DLG2: variants seen among roughly 807,000 people sequenced by gnomAD.
DLG2 encodes disks large homolog 2.
In DLG2, 45 loss-of-function variants were observed where a neutral mutation model predicts 132.5. The ratio of observed to expected loss-of-function variants is 0.34; its 90% confidence interval spans 0.27 to 0.44. DLG2 has a LOEUF of 0.44. Among genes scored for constraint, DLG2 ranks in the 20% least tolerant of loss-of-function variants. The pLI is 1.00. For missense variants in DLG2, 1,045 were observed against 1,196.9 expected (o/e 0.87, Z 1.87); for synonymous variants, 424 against 419.6 (o/e 1.01, Z -0.13).
chr11:84,321,658 C>T (rs996003517), intron 7 of DLG2, among the ~76,000 whole-genome samples: 4 of 152,164 alleles, frequency 2.6e-5, no homozygotes, highest in Admixed American at 2.0e-4. Context: ...CTGTAGGCTG[C>T]ATCAAGAGGC....
At chr11:85,218,094 G>C (rs924902831) in intron 4 of DLG2, among the ~76,000 whole-genome samples, 4 of 152,104 alleles carry the variant, frequency 2.6e-5, no homozygotes, top group South Asian at 2.1e-4. Flanking sequence ...ACAATTGTAG[G>C]CATATGGCTT....
At chr11:84,166,986 G>A in intron 8 of DLG2, 1 of 533,240 alleles carries the variant, frequency 1.9e-6, no homozygotes. Flanking sequence ...CTGATAGTTT[G>A]GGGCCCGGAG....
chr11:83,818,918 T>A (rs1326710844), intron 17 of DLG2, among the ~76,000 whole-genome samples: 4 of 152,150 alleles, frequency 2.6e-5, no homozygotes, highest in Non-Finnish European at 5.9e-5. Flanking sequence ...ATACCTGACG[T>A]TCATTTTTAA....
At chr11:84,625,052 G>A (rs1243612557) in intron 6 of DLG2, among the ~76,000 whole-genome samples, 1 of 149,936 alleles carries the variant, frequency 6.7e-6, no homozygotes, top group African/African-American at 2.5e-5. Flanking sequence ...AGTAGAGACG[G>A]GGTTTCACCG....
chr11:84,686,376 A>G (rs2099738165), intron 6 of DLG2, among the ~76,000 whole-genome samples: 1 of 152,174 alleles, frequency 6.6e-6, no homozygotes, highest in Admixed American at 6.5e-5. Flanking sequence ...ACCTTTCTAC[A>G]ATGCTTCGTG....
At chr11:85,180,211 A>G (rs566416727) in intron 4 of DLG2, among the ~76,000 whole-genome samples, 3 of 152,064 alleles carry the variant, frequency 2.0e-5, no homozygotes, top group Non-Finnish European at 4.4e-5. Context: ...CACACACATA[A>G]GCACATATAC....
intron 6 of DLG2, among the ~76,000 whole-genome samples, chr11:84,578,990 G>C (rs2099510008): frequency 6.6e-6 from 1 of 152,098 alleles, no homozygotes; most frequent in Admixed American, 6.5e-5. Context: ...GGGTTTATAA[G>C]GGATTTCCAC....
intron 2 of DLG2, among the ~76,000 whole-genome samples, chr11:85,608,400 C>G (rs2080745471): frequency 6.6e-6 from 1 of 152,092 alleles, no homozygotes; most frequent in South Asian, 2.1e-4. Context: ...GTATAACTTA[C>G]AATACTATCC....
chr11:85,202,199 T>C (rs2081524681), intron 4 of DLG2, among the ~76,000 whole-genome samples: 1 of 149,062 alleles, frequency 6.7e-6, no homozygotes, highest in African/African-American at 2.5e-5. Flanking sequence ...AATATTCAGG[T>C]ACAGAAAGGT....
At chr11:83,591,074 T>C (rs1418498343) in intron 19 of DLG2, among the ~76,000 whole-genome samples, 2 of 152,182 alleles carry the variant, frequency 1.3e-5, no homozygotes, top group African/African-American at 4.8e-5. Flanking sequence ...AAGGAGGAGC[T>C]GGTACCATTC....
intron 18 of DLG2, among the ~76,000 whole-genome samples, chr11:83,673,413 A>G (rs1381520090): frequency 1.3e-5 from 2 of 152,218 alleles, no homozygotes; most frequent in African/African-American, 4.8e-5. Flanking sequence ...GGAAGATCAG[A>G]TAATCAAATT....
rs540055929 is a variant in DLG2, at chr11:85,223,861, T to C, written c.186+61359A>G. The stretch of plus-strand genomic sequence containing the variant: ...CCAAATAAACATTCTAAGTAAAATG[T>C]GTGCTTACAATACCAACTCAAGATA... On this transcript the variant is annotated intron_variant, in intron 4 of 27. Transcript: ENST00000376104. 9.2e-5 allele frequency among the ~76,000 whole-genome samples: 14 copies of C among 152,244 alleles called. No individual in the cohort carries two copies. In the East Asian group the frequency reaches 2.3e-3, roughly 25 times the overall value.
intron 7 of DLG2, among the ~76,000 whole-genome samples, chr11:84,366,322 A>T (rs1275315839): frequency 6.6e-6 from 1 of 152,072 alleles, no homozygotes; most frequent in Non-Finnish European, 1.5e-5. Flanking sequence ...AGCACTAAAC[A>T]TGGAAAGGAA....
At chr11:84,441,338 A>G (rs933401418) in intron 7 of DLG2, among the ~76,000 whole-genome samples, 2 of 152,000 alleles carry the variant, frequency 1.3e-5, no homozygotes, top group African/African-American at 4.8e-5. Flanking sequence ...CTCTTTCTAG[A>G]GATGAGGTCT....
intron 18 of DLG2, among the ~76,000 whole-genome samples, chr11:83,730,480 C>T (rs1200398419): frequency 6.6e-6 from 1 of 152,120 alleles, no homozygotes; most frequent in Non-Finnish European, 1.5e-5. Context: ...TGTGGGAAAA[C>T]TCTCTGCCCT....
intron 3 of DLG2, among the ~76,000 whole-genome samples, chr11:85,578,369 AC>A (rs1408708890): frequency 2.6e-5 from 4 of 152,232 alleles, no homozygotes; most frequent in Non-Finnish European, 5.9e-5. Context: ...AGCAATTGCA[AC>A]AAAAGCAAAA....
chr11:83,459,639 C>A lies in DLG2; in HGVS notation c.*179G>T, dbSNP rs554913737. Reference sequence around the variant, plus strand: ...TACTGCAATGTCTTTTCTGTCCCACCCTTTGGCCCCTCTGTTTCCTTCATG... The same window carrying A: ...TACTGCAATGTCTTTTCTGTCCCACACTTTGGCCCCTCTGTTTCCTTCATG... On this transcript the variant is annotated 3_prime_UTR_variant, in exon 28 of 28. Coordinates refer to ENST00000376104, the MANE Select transcript of DLG2 (RefSeq NM_001142699.3). 23 of 529,350 alleles carry A rather than the reference C, an allele frequency of 4.3e-5. No homozygotes were observed. The South Asian group carries it at 6.1e-4, about 14-fold the overall frequency. 32.8% of individuals were successfully genotyped at this position (529,350 alleles called of 1,614,324 possible). A position where few individuals can be genotyped will look rare whatever the true frequency, so the allele number is the denominator to read the frequency against.
chr11:84,977,591 A>G (rs1341978072), intron 6 of DLG2, among the ~76,000 whole-genome samples: 2 of 152,186 alleles, frequency 1.3e-5, no homozygotes, highest in Non-Finnish European at 2.9e-5. Flanking sequence ...CTAAGTGATG[A>G]AAAACTAAAA....
chr11:85,480,947 G>A (rs1389908534), intron 3 of DLG2, among the ~76,000 whole-genome samples: 4 of 152,234 alleles, frequency 2.6e-5, no homozygotes, highest in Admixed American at 6.5e-5. Flanking sequence ...AGCACAAAGA[G>A]ACTACATTTA....
Sources: allele counts gnomAD v4.1 joint callset (sites outside exome capture counted in the v4.1 genomes callset), GRCh38; gene constraint gnomAD v4.1.1; transcripts MANE v1.5; gene names NCBI Gene and HGNC (gene_info 2026-07-23, HGNC 2026-07-21).